PPM1H: variants seen among roughly 807,000 people sequenced by gnomAD.
The protein encoded by PPM1H is protein phosphatase 1H.
A neutral mutation model predicts 54.9 loss-of-function variants in PPM1H; 27 were observed. The ratio of observed to expected loss-of-function variants is 0.49; its 90% CI spans 0.36 to 0.68. The LOEUF is 0.68. Ranked by LOEUF, PPM1H falls within the 30% of genes least tolerant of loss-of-function variation. The pLI is 0.00. For synonymous variants in PPM1H, 305 were observed against 270.8 expected, an observed-to-expected ratio of 1.13 and a Z score of -1.24; for missense variants, 596 against 667.8, an observed-to-expected ratio of 0.89 and a Z score of 1.19.
chr12:62,858,005 C>A (rs2120958912), intron 1 of PPM1H, among the ~76,000 whole-genome samples: 2 of 151,678 alleles, frequency 1.3e-5, no homozygotes, highest in Non-Finnish European at 2.9e-5. Context: ...CCCCTTTGAC[C>A]CATCTTTCAA....
intron 1 of PPM1H, among the ~76,000 whole-genome samples, chr12:62,908,377 A>G (rs1871361173): frequency 7.1e-6 from 1 of 140,990 alleles, no homozygotes; most frequent in Non-Finnish European, 1.5e-5. Flanking sequence ...ACTGCACTCC[A>G]GCCTGGGTGA....
At chr12:62,759,988 T>C (rs532628932) in intron 4 of PPM1H, among the ~76,000 whole-genome samples, 1 of 152,138 alleles carries the variant, frequency 6.6e-6, no homozygotes, top group Admixed American at 6.5e-5. Flanking sequence ...TCCTTCACTA[T>C]GGGCAACCTT....
intron 2 of PPM1H, among the ~76,000 whole-genome samples, chr12:62,812,157 TTTTAA>T (rs1222413829): frequency 6.6e-6 from 1 of 152,228 alleles, no homozygotes; most frequent in Admixed American, 6.5e-5. Context: ...GCTTGTGTTA[TTTTAA>T]TTTGTTTATT....
chr12:62,908,195 A>G (rs1486843688), intron 1 of PPM1H, among the ~76,000 whole-genome samples: 2 of 152,046 alleles, frequency 1.3e-5, no homozygotes, highest in African/African-American at 4.8e-5. Flanking sequence ...TGGGCGGATC[A>G]CCTGAGGCCA....
intron 8 of PPM1H, among the ~76,000 whole-genome samples, chr12:62,686,584 G>C (rs2136633912): frequency 6.6e-6 from 1 of 152,190 alleles, no homozygotes; most frequent in East Asian, 1.9e-4. Flanking sequence ...GTAATTCACG[G>C]ATCCTGATGT....
At chr12:62,720,354 C>A in intron 5 of PPM1H, 65 bp from the exon 6 acceptor site, 3 of 1,311,348 alleles carry the variant, frequency 2.3e-6, no homozygotes, top group East Asian at 2.3e-5. Flanking sequence ...AAATAAGAAT[C>A]AAGGATGTTT....
intron 7 of PPM1H, among the ~76,000 whole-genome samples, chr12:62,693,192 C>T (rs1413062078): frequency 6.6e-6 from 1 of 152,176 alleles, no homozygotes; most frequent in East Asian, 1.9e-4. Context: ...AAGCTTCTTG[C>T]TCTCCACTCC....
chr12:62,887,581 T>C (rs990225238), intron 1 of PPM1H, among the ~76,000 whole-genome samples: 8 of 152,226 alleles, frequency 5.3e-5, no homozygotes, highest in Non-Finnish European at 1.5e-5. Context: ...AATATTATAC[T>C]GAATCAGACA....
At chr12:62,722,664 C>T (rs115488766) in intron 5 of PPM1H, among the ~76,000 whole-genome samples, 15 of 152,180 alleles carry the variant, frequency 9.9e-5, no homozygotes, top group African/African-American at 3.1e-4. Context: ...AGTATGGGCA[C>T]AAAAATGTCT....
intron 4 of PPM1H, among the ~76,000 whole-genome samples, chr12:62,751,746 A>C (rs2076443640): frequency 6.6e-6 from 1 of 152,348 alleles, no homozygotes. Context: ...ACCCATAAAC[A>C]ATGAGATCTA....
chr12:62,719,319 A>C (rs1691616394), intron 6 of PPM1H, among the ~76,000 whole-genome samples: 1 of 151,890 alleles, frequency 6.6e-6, no homozygotes, highest in Admixed American at 6.6e-5. Context: ...TACTTCTTTG[A>C]CTCTTTTGGA....
Position 62,659,521 on chromosome 12 carries a change from A to G in PPM1H, c.1397+7657T>C, listed in dbSNP as rs140091372. 1.0e-3 allele frequency among the ~76,000 whole-genome samples: 158 copies of G among 152,150 alleles called. 2 individuals carry two copies. Among genetic ancestry groups the G allele is most frequent in the African/African-American group, 3.7e-3 (152 of 41,510 alleles). On this transcript the variant is annotated intron_variant, in intron 9 of 9. Transcript: ENST00000228705. ...CCCTCACAGCACATTCTGGAGGGGG[A>G]GATGCTATTTTAAATTCCTTGCTGG...
At chr12:62,723,571 T>C (rs1012037495) in intron 5 of PPM1H, among the ~76,000 whole-genome samples, 5 of 152,188 alleles carry the variant, frequency 3.3e-5, no homozygotes, top group Non-Finnish European at 7.3e-5. Context: ...GTTCACTCTC[T>C]TGCCCTTCCA....
At chr12:62,800,281 T>C (rs2704760) in intron 3 of PPM1H, among the ~76,000 whole-genome samples, 45,290 of 152,014 alleles carry the variant, frequency 0.3, 7,843 homozygotes, top group African/African-American at 0.48. Context: ...CTTCTAGCTG[T>C]TTTGACTTCA....
chr12:62,680,158 G>T (rs1471868598), intron 8 of PPM1H, among the ~76,000 whole-genome samples: 1 of 152,200 alleles, frequency 6.6e-6, no homozygotes, highest in South Asian at 2.1e-4. Context: ...CTTAGGCTAG[G>T]TTTTAAGAAG....
intron 4 of PPM1H, among the ~76,000 whole-genome samples, chr12:62,785,219 C>T (rs2076663745): frequency 2.0e-5 from 3 of 152,098 alleles, no homozygotes; most frequent in Non-Finnish European, 2.9e-5. Context: ...CTGTGTTGCC[C>T]AGGCTGGAGT....
intron 4 of PPM1H, among the ~76,000 whole-genome samples, chr12:62,740,035 GAAC>G (rs2076372869): frequency 6.6e-6 from 1 of 152,100 alleles, no homozygotes; most frequent in African/African-American, 2.4e-5. Flanking sequence ...TCTGCCCATA[GAAC>G]AAAACCATGC....
intron 1 of PPM1H, among the ~76,000 whole-genome samples, chr12:62,891,942 G>A (rs938005396): frequency 5.3e-5 from 8 of 152,102 alleles, no homozygotes; most frequent in African/African-American, 1.2e-4. Context: ...ATGTGCAGGC[G>A]TGTAGATAAA....
Position 62,844,157 on chromosome 12 carries a change from A to G in PPM1H, c.246-11878T>C, listed in dbSNP as rs1011473399. ...CGCAGTGCAAAGCTTAAGAACAGCC[A>G]CCTGGGCAGCACACACTCCAAATGG... is the stretch of plus-strand genomic sequence containing the variant. On this transcript the variant is annotated intron_variant, in intron 1 of 9. Transcript: ENST00000228705. The surrounding 1 kb of genome is among the most constrained non-coding windows in gnomAD (Gnocchi z 5.2). Among the ~76,000 whole-genome samples the G allele has an allele frequency of 6.6e-6, 1 of 152,240 alleles. No homozygotes were observed. Among genetic ancestry groups the G allele is most frequent in the Non-Finnish European group, 1.5e-5 (1 of 68,040 alleles).
Sources: allele counts gnomAD v4.1 joint callset (sites outside exome capture counted in the v4.1 genomes callset), GRCh38; gene constraint gnomAD v4.1.1; non-coding constraint Gnocchi (gnomAD v3.1); transcripts MANE v1.5; gene names NCBI Gene and HGNC (gene_info 2026-07-23, HGNC 2026-07-21).